The following OR51A4 variants were observed in gnomAD, a reference collection of about 807,000 sequenced individuals.
OR51A4 encodes the protein olfactory receptor 51A4.
For missense variants in OR51A4, 243 were observed against 364.0 expected (o/e 0.67, Z 2.70); for synonymous variants, 96 against 141.5 (o/e 0.68, Z 2.28).
Position 4,946,828 on chromosome 11 carries a change from A to G in OR51A4, c.273T>C (p.Ala91=), listed in dbSNP as rs141671097. Residue 91 remains alanine (A), a synonymous_variant, in exon 2 of 2, where the codon GCT becomes GCC. Transcript: ENST00000641898. ...PTVLSIFLFN[A]PEISSNACFA... Reference sequence around the variant, plus strand: ...AGCAGGCATTGGATGAAATTTCAGGAGCATTGAACAGGAAGATGCTTAACA... The same window carrying G: ...AGCAGGCATTGGATGAAATTTCAGGGGCATTGAACAGGAAGATGCTTAACA... 1.6e-4 allele frequency: 258 copies of G among 1,585,502 alleles called. 44 individuals carry two copies. In the African/African-American group the frequency reaches 2.4e-3, roughly 15 times the overall value.
rs1846328977 is a variant in OR51A4 at position 4,947,390 on chromosome 11, T to G, written c.-63+155A>C. 7.2e-5 allele frequency among the ~76,000 whole-genome samples: 9 copies of G among 125,366 alleles called. No individual in the cohort carries two copies. The South Asian group carries it at 2.2e-3, about 30-fold the overall frequency. The allele number at this position is 125,366 out of a possible 152,430, so 82.2% of individuals were successfully genotyped here. Reference sequence around the variant, plus strand: ...ATTTAGTTACGCATCTGATTTCATTTTTTCCTGTAAAATATTAGTAAACGC... The same window carrying G: ...ATTTAGTTACGCATCTGATTTCATTGTTTCCTGTAAAATATTAGTAAACGC... On this transcript the variant is annotated intron_variant, in intron 1 of 1. Coordinates refer to ENST00000641898, the MANE Select transcript of OR51A4 (RefSeq NM_001005329.2).
rs1194363212 is a variant in OR51A4 at position 4,946,276 on chromosome 11, A to G, written c.825T>C (p.Val275=). 1.1e-5 allele frequency: 18 copies of G among 1,613,888 alleles called. No homozygotes were observed. Among genetic ancestry groups the G allele is most frequent in the Non-Finnish European group, 1.4e-5 (17 of 1,180,018 alleles). ...FARHVSPLIN[V]LMANVLLLVP... The stretch of plus-strand genomic sequence containing the variant: ...CAAGTAGGAGAACATTTGCCATGAG[A>G]ACATTAATGAGGGGAGAGACATGCC... Residue 275 remains valine, a synonymous_variant, in exon 2 of 2, where the codon GTT becomes GTC. Coordinates refer to ENST00000641898, the MANE Select transcript of OR51A4 (RefSeq NM_001005329.2).
chr11:4,943,717 G>A lies in OR51A4; in HGVS notation c.*2442C>T. ...GAGAACCACTGTTTAAGGAGCCCCA[G>A]AGTTGAGATTTTAATCCTCCAAAAA... On this transcript the variant is annotated 3_prime_UTR_variant, in exon 2 of 2. Transcript: ENST00000641898. 11 of 353,758 alleles carry A rather than the reference G, an allele frequency of 3.1e-5. No homozygotes were observed. The highest frequency in any genetic ancestry group is 2.5e-4 in the South Asian group (11 of 44,436). The allele number at this position is 353,758 out of a possible 1,614,324, so 21.9% of individuals were successfully genotyped here.
chr11:4,945,364 G>C lies in OR51A4; in HGVS notation c.*795C>G, dbSNP rs1846278935. 6.6e-6 allele frequency: 1 copy of C among 152,184 alleles called. No homozygotes were observed. Among genetic ancestry groups the C allele is most frequent in the South Asian group, 2.1e-4 (1 of 4,832 alleles). 9.4% of individuals were successfully genotyped at this position (152,184 alleles called of 1,614,324 possible). ...AAATTCAAAAACTGTTCAGTAGGTT[G>C]ATGTGGCTGGAGATTAATGAGTATC... On this transcript the variant is annotated 3_prime_UTR_variant, in exon 2 of 2. Transcript: ENST00000641898.
Position 4,946,434 on chromosome 11 carries a change from G to C in OR51A4, c.667C>G (p.Leu223Val), listed in dbSNP as rs756625215. ...GATGCAATTCCCAGTACAGTCTTGA[G>C]GATCAGGGTGTAAGACACAGCAATG... The part of the protein sequence containing the change: ...ILIAVSYTLI[L>V]KTVLGIASKK... The change falls in exon 2 of 2, where the codon CTC becomes GTC. Residue 223 changes from leucine (L) to valine (V), a missense_variant. By Grantham distance (32) the Leu-to-Val change is conservative. Coordinates refer to ENST00000641898, the MANE Select transcript of OR51A4 (RefSeq NM_001005329.2). 102 of 1,610,216 alleles carry C rather than the reference G, an allele frequency of 6.3e-5. 2 individuals carry two copies. In the South Asian group the frequency reaches 9.1e-4, roughly 14 times the overall value.
Position 4,946,949 on chromosome 11 carries a change from A to T in OR51A4, c.152T>A (p.Ile51Asn). The change falls in exon 2 of 2, where the codon ATC becomes AAC. Residue 51 changes from isoleucine (I) to asparagine (N), a missense_variant. Transcript: ENST00000641898. The stretch of plus-strand genomic sequence containing the variant: ...CTCATGCAAGGAGGGCTCTGTCTTG[A>T]TGATAAAAAGAATGGTGCCATTTCC... ...ILGNGTILFI[I>N]KTEPSLHEPM... The T allele has an allele frequency of 6.2e-7, 1 of 1,605,996 alleles. No individual in the cohort carries two copies. Among genetic ancestry groups the T allele is most frequent in the Non-Finnish European group, 8.5e-7 (1 of 1,176,430 alleles).
chr11:4,943,858 G>A lies in OR51A4; in HGVS notation c.*2301C>T. The A allele has an allele frequency of 2.2e-6, 1 of 448,730 alleles. No homozygotes were observed. The highest frequency in any genetic ancestry group is 2.4e-5 in the Admixed American group (1 of 41,564). The allele number at this position is 448,730 out of a possible 1,614,324, so 27.8% of individuals were successfully genotyped here. A position where few individuals can be genotyped will look rare whatever the true frequency, so the allele number is the denominator to read the frequency against. On this transcript the variant is annotated 3_prime_UTR_variant, in exon 2 of 2. Transcript: ENST00000641898. ...TTTTTCATTTCATTTTATTAAGACT[G>A]TCAAAAACCCCTAAAATACAGATGA...
rs113290594 is a variant in OR51A4, at chr11:4,945,944, T to C, written c.*215A>G. The C allele has an allele frequency of 9.5e-5, 54 of 567,418 alleles. No homozygotes were observed. Among genetic ancestry groups the C allele is most frequent in the East Asian group, 3.9e-4 (13 of 33,366 alleles). 35.1% of individuals were successfully genotyped at this position (567,418 alleles called of 1,614,324 possible). A position where few individuals can be genotyped will look rare whatever the true frequency, so the allele number is the denominator to read the frequency against. ...GTATCGGAGATGCTATCATAAGACATTTATTTTTATTCTGCTTAACTGAAA... is the reference window on the plus strand; with the variant it reads ...GTATCGGAGATGCTATCATAAGACACTTATTTTTATTCTGCTTAACTGAAA... On this transcript the variant is annotated 3_prime_UTR_variant, in exon 2 of 2. Coordinates refer to ENST00000641898, the MANE Select transcript of OR51A4 (RefSeq NM_001005329.2).
In OR51A4 at chr11:4,944,005, A is replaced by G. The variant is rs1846256622; in HGVS notation, c.*2154T>C. ...ATGAAGTCTTCATATTGGGCTGCCT[A>G]TCCGCACACTGGGAGAATATGAGCT... On this transcript the variant is annotated 3_prime_UTR_variant, in exon 2 of 2. Transcript: ENST00000641898. 1 of 421,064 alleles carries G rather than the reference A, an allele frequency of 2.4e-6. No homozygotes were observed. 26.1% of individuals were successfully genotyped at this position (421,064 alleles called of 1,614,324 possible). A position where few individuals can be genotyped will look rare whatever the true frequency, so the allele number is the denominator to read the frequency against.
Position 4,946,720 on chromosome 11 carries a change from G to A in OR51A4, c.381C>T (p.Ala127=). The change falls in exon 2 of 2, where the codon GCC becomes GCT. Residue 127 remains alanine (A), a synonymous_variant. Coordinates refer to ENST00000641898, the MANE Select transcript of OR51A4 (RefSeq NM_001005329.2). ...AGGTGTATCTCAGAGGGTTGTGGAT[G>A]GCTAGGAATCTATCAAATGACATGA... is the stretch of plus-strand genomic sequence containing the variant. ...LLIMSFDRFL[A]IHNPLRYTSI... The A allele has an allele frequency of 6.3e-7, 1 of 1,589,660 alleles. No homozygotes were observed. The highest frequency in any genetic ancestry group is 8.6e-7 in the Non-Finnish European group (1 of 1,162,024).
rs576642834 is a variant in OR51A4 at position 4,943,908 on chromosome 11, T to A, written c.*2251A>T. The A allele has an allele frequency of 1.6e-5, 7 of 439,472 alleles. No homozygotes were observed. The East Asian group carries it at 2.8e-4, about 18-fold the overall frequency. 27.2% of individuals were successfully genotyped at this position (439,472 alleles called of 1,614,324 possible). ...ATCTTTGATACTCTTTTATGTGACA[T>A]CTATGTACAATATCCTGAAAGAATA... On this transcript the variant is annotated 3_prime_UTR_variant, in exon 2 of 2. Coordinates refer to ENST00000641898, the MANE Select transcript of OR51A4 (RefSeq NM_001005329.2).
In OR51A4 at chr11:4,944,396, C is replaced by G. The variant is rs906095454; in HGVS notation, c.*1763G>C. ...ATAGGAAAAAACCTTTTATAAAAAG[C>G]TGGGTCATTGTTGAGAGCAAATTTT... On this transcript the variant is annotated 3_prime_UTR_variant, in exon 2 of 2. Coordinates refer to ENST00000641898, the MANE Select transcript of OR51A4 (RefSeq NM_001005329.2). 1.2e-5 allele frequency: 2 copies of G among 164,756 alleles called. No homozygotes were observed. The highest frequency in any genetic ancestry group is 2.4e-5 in the African/African-American group (1 of 41,522). 10.2% of individuals were successfully genotyped at this position (164,756 alleles called of 1,614,324 possible).
chr11:4,945,895 T>C lies in OR51A4; in HGVS notation c.*264A>G, dbSNP rs1287775020. ...AGAGCTGTAAAAATTATCATTTTTC[T>C]GTCTTGGTTGTAATTTGTTGCTTGT... On this transcript the variant is annotated 3_prime_UTR_variant, in exon 2 of 2. Coordinates refer to ENST00000641898, the MANE Select transcript of OR51A4 (RefSeq NM_001005329.2). 4.4e-6 allele frequency: 2 copies of C among 454,104 alleles called. No individual in the cohort carries two copies. Among genetic ancestry groups the C allele is most frequent in the Non-Finnish European group, 7.9e-6 (2 of 252,388 alleles). 28.1% of individuals were successfully genotyped at this position (454,104 alleles called of 1,614,324 possible). A position where few individuals can be genotyped will look rare whatever the true frequency, so the allele number is the denominator to read the frequency against.
At chr11:4,947,377 A>C (rs1471538848) in intron 1 of OR51A4, among the ~76,000 whole-genome samples, 168 bp downstream of exon 1, 1 of 125,244 alleles carries the variant, frequency 8.0e-6, no homozygotes, top group Non-Finnish European at 1.8e-5. Flanking sequence ...TTAGTTACGC[A>C]TCTGATTTCA....
In OR51A4 at chr11:4,944,686, T is replaced by C. The variant is rs1342923908; in HGVS notation, c.*1473A>G. The C allele has an allele frequency of 6.6e-6, 1 of 152,110 alleles. No homozygotes were observed. Among genetic ancestry groups the C allele is most frequent in the Non-Finnish European group, 1.5e-5 (1 of 68,006 alleles). 9.4% of individuals were successfully genotyped at this position (152,110 alleles called of 1,614,324 possible). ...GAAAAGGCTAAAATGATTTTCGCAA[T>C]ATGCAAGATTTTGAGGTCATATTAG... On this transcript the variant is annotated 3_prime_UTR_variant, in exon 2 of 2. Coordinates refer to ENST00000641898, the MANE Select transcript of OR51A4 (RefSeq NM_001005329.2).
In OR51A4 at chr11:4,945,978, T is replaced by C. The variant is rs893711973; in HGVS notation, c.*181A>G. ...ATTCTGCTTAACTGAAATGGGGACATAAGGCAACGTACTTCCTGTTTATAG... is the reference window on the plus strand; with the variant it reads ...ATTCTGCTTAACTGAAATGGGGACACAAGGCAACGTACTTCCTGTTTATAG... On this transcript the variant is annotated 3_prime_UTR_variant, in exon 2 of 2. Coordinates refer to ENST00000641898, the MANE Select transcript of OR51A4 (RefSeq NM_001005329.2). 3 of 629,620 alleles carry C rather than the reference T, an allele frequency of 4.8e-6. No homozygotes were observed. The highest frequency in any genetic ancestry group is 1.9e-5 in the African/African-American group (1 of 53,822). The allele number at this position is 629,620 out of a possible 1,614,324, so 39.0% of individuals were successfully genotyped here. A position where few individuals can be genotyped will look rare whatever the true frequency, so the allele number is the denominator to read the frequency against.
rs530631439 is a variant in OR51A4, at chr11:4,943,730, A to C, written c.*2429T>G. ...TAAGGAGCCCCAGAGTTGAGATTTTAATCCTCCAAAAACTACATTCTTCAT... is the reference window on the plus strand; with the variant it reads ...TAAGGAGCCCCAGAGTTGAGATTTTCATCCTCCAAAAACTACATTCTTCAT... On this transcript the variant is annotated 3_prime_UTR_variant, in exon 2 of 2. Transcript: ENST00000641898. 1 of 355,588 alleles carries C rather than the reference A, an allele frequency of 2.8e-6. No homozygotes were observed. Among genetic ancestry groups the C allele is most frequent in the Non-Finnish European group, 5.6e-6 (1 of 179,994 alleles). 22.0% of individuals were successfully genotyped at this position (355,588 alleles called of 1,614,324 possible).
At position 4,945,791 on chromosome 11, in the gene OR51A4, G is replaced by T; in HGVS notation, c.*368C>A. The T allele has an allele frequency of 3.6e-6, 1 of 280,794 alleles. No individual in the cohort carries two copies. The highest frequency in any genetic ancestry group is 6.8e-6 in the Non-Finnish European group (1 of 147,878). The allele number at this position is 280,794 out of a possible 1,614,324, so 17.4% of individuals were successfully genotyped here. On this transcript the variant is annotated 3_prime_UTR_variant, in exon 2 of 2. Coordinates refer to ENST00000641898, the MANE Select transcript of OR51A4 (RefSeq NM_001005329.2). ...CTAAGATGATTAAAATGGATAAAGA[G>T]ACAGCTAATTTAGGTCTAGCATTAA...
Position 4,946,422 on chromosome 11 carries a change from G to C in OR51A4, c.679C>G (p.Leu227Val). The change falls in exon 2 of 2, where the codon CTG becomes GTG. Residue 227 changes from leucine (L) to valine (V), a missense_variant. Leu to Val is a conservative substitution (Grantham distance 32, BLOSUM62 1). Coordinates refer to ENST00000641898, the MANE Select transcript of OR51A4 (RefSeq NM_001005329.2). ...VSYTLILKTVLGIASKKEQLK... is the reference protein window; with the variant it reads ...VSYTLILKTVVGIASKKEQLK... ...TGCTCCTTTTTGGATGCAATTCCCA[G>C]TACAGTCTTGAGGATCAGGGTGTAA... is the stretch of plus-strand genomic sequence containing the variant. 6.2e-7 allele frequency: 1 copy of C among 1,608,760 alleles called. No homozygotes were observed. The highest frequency in any genetic ancestry group is 8.5e-7 in the Non-Finnish European group (1 of 1,175,776).
Sources: gnomAD v4.1 joint callset for allele counts (sites outside exome capture counted in the v4.1 genomes callset) on GRCh38, gnomAD v4.1.1 for gene constraint, MANE v1.5 for transcripts, NCBI Gene and HGNC (gene_info 2026-07-23, HGNC 2026-07-21) for gene names.